NUP98: variants seen among roughly 807,000 people sequenced by gnomAD.
NUP98 encodes the protein nucleoporin 98 and 96 precursor, also known as nuclear pore complex protein Nup98-Nup96.
NUP98 carries 26 observed loss-of-function variants against 191.9 expected under a neutral mutation model. That is an observed-to-expected ratio of 0.14 (90% CI 0.10 to 0.19). The LOEUF is 0.19. NUP98 is among the 10% of genes least tolerant of loss of function. NUP98 has a pLI of 1.00. For synonymous variants in NUP98, 808 were observed against 778.4 expected (o/e 1.04, Z -0.63); for missense variants, 1,941 against 2,178.8 (o/e 0.89, Z 2.17).
chr11:3,738,987 C>T (rs2080179251), intron 12 of NUP98, among the ~76,000 whole-genome samples: 1 of 151,934 alleles, frequency 6.6e-6, no homozygotes, highest in African/African-American at 2.4e-5. Flanking sequence ...AAGGCACACT[C>T]ACATAGTTCT....
intron 30 of NUP98, among the ~76,000 whole-genome samples, chr11:3,681,169 T>C (rs1391084294): frequency 2.0e-5 from 3 of 152,206 alleles, no homozygotes; most frequent in South Asian, 2.1e-4. Flanking sequence ...GCCTCCCAAA[T>C]AGCTGGGAAT....
chr11:3,711,838 C>T, intron 20 of NUP98: 1 of 1,032,698 alleles, frequency 9.7e-7, no homozygotes, highest in Non-Finnish European at 1.2e-6. Context: ...CCAGAAATGC[C>T]TCCTAAGAGA....
chr11:3,747,891 G>A (rs2080567757), intron 11 of NUP98, among the ~76,000 whole-genome samples: 1 of 152,184 alleles, frequency 6.6e-6, no homozygotes, highest in Non-Finnish European at 1.5e-5. Context: ...AAACCCAAGG[G>A]CCTGCTTCAG....
chr11:3,694,041 G>C (rs2943417), intron 26 of NUP98, among the ~76,000 whole-genome samples: 34,030 of 149,022 alleles, frequency 0.23, 4,427 homozygotes, highest in African/African-American at 0.33. Flanking sequence ...GACCAGCCTG[G>C]CCAACATGGT....
chr11:3,716,390 G>A (rs768438096), intron 18 of NUP98, among the ~76,000 whole-genome samples: 13 of 151,026 alleles, frequency 8.6e-5, no homozygotes, highest in East Asian at 1.9e-4. Context: ...CCCTGCCCCC[G>A]AGTAATTTTT....
intron 6 of NUP98, among the ~76,000 whole-genome samples, chr11:3,772,909 T>A (rs1057167978): frequency 6.7e-6 from 1 of 149,900 alleles, no homozygotes; most frequent in African/African-American, 2.5e-5. Context: ...ACCTAGGAGG[T>A]GGAGGTTGTA....
intron 4 of NUP98, among the ~76,000 whole-genome samples, chr11:3,777,152 C>G (rs574242846): frequency 1.6e-4 from 24 of 152,094 alleles, no homozygotes; most frequent in African/African-American, 4.3e-4. Context: ...TTTCACCCCC[C>G]AAAATTTCAG....
intron 1 of NUP98, among the ~76,000 whole-genome samples, chr11:3,783,456 T>C (rs2082042788): frequency 1.3e-5 from 2 of 152,040 alleles, no homozygotes; most frequent in Admixed American, 6.6e-5. Flanking sequence ...CCCAGCACTT[T>C]GGGAGGCCAA....
chr11:3,735,171 A>C lies in NUP98; in HGVS notation c.1542+20T>G, dbSNP rs112070727. On this transcript the variant is annotated intron_variant, in intron 13 of 32. Transcript: ENST00000324932. The stretch of plus-strand genomic sequence containing the variant: ...CTCTTTCTTTGATATGATATTTTAC[A>C]GAAGTATCCTTAAATTTACCTCTTC... 4.7e-4 allele frequency: 724 copies of C among 1,544,988 alleles called. 3 individuals carry two copies. The African/African-American group carries it at 8.1e-3, about 17-fold the overall frequency.
intron 9 of NUP98, among the ~76,000 whole-genome samples, chr11:3,762,015 A>G (rs2081188283): frequency 6.6e-6 from 1 of 152,160 alleles, no homozygotes; most frequent in Non-Finnish European, 1.5e-5. Flanking sequence ...AATTTTCTCA[A>G]TTTCTTACCT....
At chr11:3,774,378 C>T (rs1008180223) in intron 5 of NUP98, among the ~76,000 whole-genome samples, 3 of 152,022 alleles carry the variant, frequency 2.0e-5, no homozygotes, top group African/African-American at 4.8e-5. Flanking sequence ...TGCCACTGCA[C>T]TCTGGCCTGG....
rs779657778 is a variant in NUP98 at position 3,706,478 on chromosome 11, T to C, written c.2892A>G (p.Ala964=). ...CATGTGGATTAATTCCCAGTGAAGA[T>C]GCAATATGTGTTGAGGCAGACACAG... ...QEPVSASTHI[A]SSLGINPHVL... Residue 964 remains alanine, a synonymous_variant, in exon 21 of 33, where the codon GCA becomes GCG. Coordinates refer to ENST00000324932, the MANE Select transcript of NUP98 (RefSeq NM_016320.5). The C allele has an allele frequency of 1.9e-6, 3 of 1,614,008 alleles. No individual in the cohort carries two copies. The highest frequency in any genetic ancestry group is 2.7e-5 in the African/African-American group (2 of 74,910).
intron 16 of NUP98, among the ~76,000 whole-genome samples, chr11:3,721,409 A>G (rs940855661): frequency 3.9e-5 from 6 of 152,226 alleles, no homozygotes; most frequent in Admixed American, 2.6e-4. Context: ...AGAAAGATGA[A>G]AAATCCAGCC....
At position 3,699,214 on chromosome 11, in the gene NUP98, G is replaced by C. The variant is rs771699177; in HGVS notation, c.3877C>G (p.Leu1293Val). ...ATCTGAGGTGTGGCAGTACAGGATA[G>C]CCAGCGGGAGAAAGCTCTTCTTCGC... ...LERRRAFSRW[L>V]SCTATPQIEE... Residue 1293 changes from leucine (L) to valine (V), a missense_variant, in exon 25 of 33, where the codon CTA (leucine) becomes GTA (valine). By Grantham distance (32) the Leu-to-Val change is conservative. Transcript: ENST00000324932. The C allele has an allele frequency of 3.7e-6, 6 of 1,614,170 alleles. No individual in the cohort carries two copies. Among genetic ancestry groups the C allele is most frequent in the Non-Finnish European group, 5.1e-6 (6 of 1,180,038 alleles).
At chr11:3,690,967 C>T (rs1347272757) in intron 28 of NUP98, among the ~76,000 whole-genome samples, 1 of 152,052 alleles carries the variant, frequency 6.6e-6, no homozygotes, top group Non-Finnish European at 1.5e-5. Context: ...AATTCTAGAC[C>T]AGCAAAACTA....
At chr11:3,698,115 G>T (rs1223547842) in intron 25 of NUP98, among the ~76,000 whole-genome samples, 1 of 152,140 alleles carries the variant, frequency 6.6e-6, no homozygotes, top group Non-Finnish European at 1.5e-5. Context: ...AGAATGCTAA[G>T]AAGTATTTGA....
chr11:3,790,080 G>A (rs1192124216), intron 1 of NUP98, among the ~76,000 whole-genome samples: 1 of 152,182 alleles, frequency 6.6e-6, no homozygotes, highest in Admixed American at 6.5e-5. Flanking sequence ...ACGGCACACA[G>A]CCCCATTTAC....
At chr11:3,790,772 AAT>A (rs1361887190) in intron 1 of NUP98, among the ~76,000 whole-genome samples, 1 of 152,230 alleles carries the variant, frequency 6.6e-6, no homozygotes, top group Non-Finnish European at 1.5e-5. Context: ...AATTCTTTTT[AAT>A]TCAGTATTGG....
rs772518091 is a variant in NUP98, at chr11:3,720,756, T to G, written c.2216A>C (p.Glu739Ala). ...SMDDLAKITN[E>A]KGECIVSDFT... ...ATCAGAGACAATGCACTCTCCTTTTTCATTGGTAATTTTAGCAAGGTCATC... is the reference window on the plus strand; with the variant it reads ...ATCAGAGACAATGCACTCTCCTTTTGCATTGGTAATTTTAGCAAGGTCATC... Residue 739 changes from glutamate to alanine, a missense_variant, in exon 17 of 33, where the codon GAA becomes GCA. Coordinates refer to ENST00000324932, the MANE Select transcript of NUP98 (RefSeq NM_016320.5). 15 of 1,602,476 alleles carry G rather than the reference T, an allele frequency of 9.4e-6. No individual in the cohort carries two copies. The East Asian group carries it at 3.1e-4, about 33-fold the overall frequency.
Sources: gnomAD v4.1 joint callset for allele counts (sites outside exome capture counted in the v4.1 genomes callset) on GRCh38, gnomAD v4.1.1 for gene constraint, MANE v1.5 for transcripts, NCBI Gene and HGNC (gene_info 2026-07-23, HGNC 2026-07-21) for gene names.